The following COL26A1 variants were observed in gnomAD, a reference collection of about 807,000 sequenced individuals.
COL26A1 encodes the protein collagen alpha-1(XXVI) chain.
Under a neutral mutation model 59.3 loss-of-function variants are expected in COL26A1, and 41 were observed. That is an observed-to-expected ratio of 0.69 (90% CI 0.54 to 0.90). The LOEUF (loss-of-function observed/expected upper bound fraction) is 0.90, where lower values mean the gene tolerates loss of function less well. COL26A1 is among the 40% of genes least tolerant of loss of function. COL26A1 has a pLI of 0.00. For missense variants in COL26A1, 612 were observed against 602.3 expected (o/e 1.02, Z -0.17); for synonymous variants, 266 against 256.0 (o/e 1.04, Z -0.37).
At chr7:101,419,363 C>T (rs1012649282) in intron 1 of COL26A1, among the ~76,000 whole-genome samples, 1 of 152,062 alleles carries the variant, frequency 6.6e-6, no homozygotes, top group African/African-American at 2.4e-5. Flanking sequence ...CCTCCTGCCT[C>T]AGCCTCCTAA....
intron 5 of COL26A1, among the ~76,000 whole-genome samples, chr7:101,542,258 C>T (rs987096502): frequency 3.9e-5 from 6 of 152,266 alleles, no homozygotes; most frequent in African/African-American, 1.2e-4. Context: ...TGAGCCAGCA[C>T]ACGCAGCCTA....
chr7:101,534,086 AG>A (rs1795427788), intron 4 of COL26A1, among the ~76,000 whole-genome samples: 1 of 152,180 alleles, frequency 6.6e-6, no homozygotes. Context: ...ACAGGTCTGG[AG>A]GGATGAGGCA....
At chr7:101,467,687 G>T (rs1793796856) in intron 3 of COL26A1, among the ~76,000 whole-genome samples, 1 of 152,008 alleles carries the variant, frequency 6.6e-6, no homozygotes, top group African/African-American at 2.4e-5. Context: ...CTAACACGGT[G>T]AAACCCTGTC....
intron 1 of COL26A1, among the ~76,000 whole-genome samples, chr7:101,368,386 A>G (rs1324009198): frequency 1.3e-5 from 2 of 152,190 alleles, no homozygotes; most frequent in South Asian, 2.1e-4. Context: ...TCACCCAGGA[A>G]AGAATTCAAG....
intron 7 of COL26A1, 82 bp downstream of exon 7, chr7:101,545,572 G>A (rs963819507): frequency 1.4e-6 from 2 of 1,421,268 alleles, no homozygotes; most frequent in African/African-American, 3.0e-5. Flanking sequence ...AAAGGATCCT[G>A]GGAAGTGGAC....
chr7:101,524,226 G>A (rs1405032992), intron 3 of COL26A1, among the ~76,000 whole-genome samples: 1 of 150,822 alleles, frequency 6.6e-6, no homozygotes, highest in Non-Finnish European at 1.5e-5. Context: ...AGCTAAGATG[G>A]CATCACTGCA....
At chr7:101,405,533 C>T (rs1269455547) in intron 1 of COL26A1, among the ~76,000 whole-genome samples, 2 of 152,068 alleles carry the variant, frequency 1.3e-5, no homozygotes, top group African/African-American at 4.8e-5. Flanking sequence ...TCCCTGAATG[C>T]TGGTCCTCCC....
rs181604177 is a variant in COL26A1 at position 101,509,890 on chromosome 7, G to A, written c.386-23192G>A. On this transcript the variant is annotated intron_variant, in intron 3 of 12. Coordinates refer to ENST00000313669, the MANE Select transcript of COL26A1 (RefSeq NM_001278563.3). ...CTACAGGTGTGCACCACCACGCACGGCTAATTTTTGTATTTTTAGTAGAAA... is the reference window on the plus strand; with the variant it reads ...CTACAGGTGTGCACCACCACGCACGACTAATTTTTGTATTTTTAGTAGAAA... 2.3e-3 allele frequency among the ~76,000 whole-genome samples: 351 copies of A among 152,072 alleles called. 1 individual carries two copies. Among genetic ancestry groups the A allele is most frequent in the African/African-American group, 7.9e-3 (328 of 41,476 alleles).
intron 3 of COL26A1, among the ~76,000 whole-genome samples, chr7:101,518,465 G>T (rs1330839217): frequency 6.6e-6 from 1 of 152,180 alleles, no homozygotes; most frequent in Non-Finnish European, 1.5e-5. Context: ...GTGATGAAGA[G>T]CAATGGCAGC....
intron 3 of COL26A1, among the ~76,000 whole-genome samples, chr7:101,458,901 G>A (rs552232406): frequency 3.3e-5 from 5 of 151,472 alleles, no homozygotes; most frequent in Admixed American, 1.3e-4. Flanking sequence ...TCCTGGGCTC[G>A]AGCAATCCTC....
intron 3 of COL26A1, among the ~76,000 whole-genome samples, chr7:101,499,885 A>AG: frequency 8.9e-6 from 1 of 112,682 alleles, no homozygotes; most frequent in Non-Finnish European, 1.8e-5. Flanking sequence ...GCCTTAAAAA[A>AG]AAAAAAAAAA....
intron 3 of COL26A1, among the ~76,000 whole-genome samples, chr7:101,501,618 C>T (rs889208164): frequency 1.3e-5 from 2 of 152,106 alleles, no homozygotes; most frequent in African/African-American, 4.8e-5. Context: ...TTGTTTCTGC[C>T]CCAGGCCTGT....
intron 2 of COL26A1, among the ~76,000 whole-genome samples, chr7:101,444,492 C>T (rs921790258): frequency 2.7e-5 from 4 of 150,506 alleles, no homozygotes; most frequent in Non-Finnish European, 4.4e-5. Flanking sequence ...CTCCACTCAC[C>T]GCAACTCCGC....
At chr7:101,372,310 C>T (rs80209922) in intron 1 of COL26A1, among the ~76,000 whole-genome samples, 3,500 of 152,170 alleles carry the variant, frequency 0.023, 146 homozygotes, top group African/African-American at 0.078. Flanking sequence ...GGATTACAGG[C>T]GCCCACCAAC....
intron 2 of COL26A1, among the ~76,000 whole-genome samples, chr7:101,434,048 CCCTCCCTCCCT>C (rs1792844265): frequency 4.4e-5 from 1 of 22,784 alleles, no homozygotes; most frequent in African/African-American, 1.2e-4. Context: ...TCCCTTCCCT[CCCTCCCTCCCT>C]CCCTCCCTCC....
intron 3 of COL26A1, among the ~76,000 whole-genome samples, chr7:101,516,213 C>T (rs1325848959): frequency 6.6e-6 from 1 of 152,158 alleles, no homozygotes. Flanking sequence ...TAAGATCCTT[C>T]TTGTCTTTAC....
At chr7:101,488,203 C>A (rs1330549183) in intron 3 of COL26A1, among the ~76,000 whole-genome samples, 1 of 150,644 alleles carries the variant, frequency 6.6e-6, no homozygotes, top group Non-Finnish European at 1.5e-5. Flanking sequence ...ATCGCTTGAA[C>A]CCTGGAGGCA....
intron 1 of COL26A1, among the ~76,000 whole-genome samples, chr7:101,370,212 A>G (rs1482681238): frequency 1.3e-5 from 2 of 152,090 alleles, no homozygotes; most frequent in African/African-American, 2.4e-5. Context: ...CAGGGGTAAG[A>G]ATAGACTTCC....
At chr7:101,543,908 C>G in intron 5 of COL26A1, 90 bp from the exon 6 acceptor site, 1 of 888,258 alleles carries the variant, frequency 1.1e-6, no homozygotes, top group East Asian at 2.7e-5. Context: ...CCTGGGGGAA[C>G]GTAGGCTGAC....
Sources: gnomAD v4.1 joint callset for allele counts (sites outside exome capture counted in the v4.1 genomes callset) on GRCh38, gnomAD v4.1.1 for gene constraint, MANE v1.5 for transcripts, NCBI Gene and HGNC (gene_info 2026-07-23, HGNC 2026-07-21) for gene names.